Variants in FERMT1 observed in about 807,000 individuals in gnomAD.
FERMT1 encodes fermitin family homolog 1.
Under a neutral mutation model 85.3 loss-of-function variants are expected in FERMT1, and 60 were observed. The observed-to-expected ratio is 0.70, with a 90% CI of 0.57 to 0.87. The LOEUF (loss-of-function observed/expected upper bound fraction) is 0.87. FERMT1 is among the 40% of genes least tolerant of loss of function. FERMT1 has a pLI of 0.00. For missense variants in FERMT1, 701 were observed against 818.9 expected, an observed-to-expected ratio of 0.86 and a Z score of 1.76; for synonymous variants, 275 against 301.1, an observed-to-expected ratio of 0.91 and a Z score of 0.90.
At chr20:6,078,653 T>TG (rs33993648) in intron 14 of FERMT1, among the ~76,000 whole-genome samples, 6 of 100,328 alleles carry the variant, frequency 6.0e-5, no homozygotes, top group African/African-American at 1.7e-4. Context: ...TTTGTTTTTT[T>TG]TTTTTTTAAT....
At chr20:6,106,155 G>A (rs895444376) in intron 6 of FERMT1, among the ~76,000 whole-genome samples, 1 of 152,160 alleles carries the variant, frequency 6.6e-6, no homozygotes, top group Non-Finnish European at 1.5e-5. Context: ...AATTTCTCCT[G>A]GAGATTTTAT....
chr20:6,113,766 G>A (rs1983025450), intron 3 of FERMT1, among the ~76,000 whole-genome samples: 3 of 152,174 alleles, frequency 2.0e-5, no homozygotes, highest in Admixed American at 1.3e-4. Flanking sequence ...AGCTGCTGAA[G>A]TGTAACCTGA....
At chr20:6,105,782 A>C (rs1428545196) in intron 6 of FERMT1, among the ~76,000 whole-genome samples, 1 of 152,208 alleles carries the variant, frequency 6.6e-6, no homozygotes, top group Non-Finnish European at 1.5e-5. Flanking sequence ...CAATAAATAA[A>C]CACACAAACA....
In FERMT1 at chr20:6,104,454, A is replaced by T. The variant is rs773969894; in HGVS notation, c.849+3078T>A. Among the ~76,000 whole-genome samples, 1 of 152,176 alleles carries T rather than the reference A, an allele frequency of 6.6e-6. No homozygotes were observed. The highest frequency in any genetic ancestry group is 1.5e-5 in the Non-Finnish European group (1 of 68,034). ...CTCTATTTATGCAGCACAGAGTAGG[A>T]GTCTTAAACTTGATTTTATCTATAG... is the stretch of plus-strand genomic sequence containing the variant. On this transcript the variant is annotated intron_variant, in intron 6 of 14. Transcript: ENST00000217289. The surrounding 1 kb of genome is among the most constrained non-coding windows in gnomAD (Gnocchi z 4.2).
chr20:6,093,899 T>G (rs1982430893), intron 9 of FERMT1, among the ~76,000 whole-genome samples: 1 of 152,090 alleles, frequency 6.6e-6, no homozygotes, highest in South Asian at 2.1e-4. Flanking sequence ...GAGGTTGCAG[T>G]GAGCTGAGAT....
intron 6 of FERMT1, among the ~76,000 whole-genome samples, chr20:6,105,687 C>G (rs1982777519): frequency 6.6e-6 from 1 of 152,152 alleles, no homozygotes; most frequent in African/African-American, 2.4e-5. Context: ...TGTATTTTAT[C>G]TCATTAATTT....
intron 6 of FERMT1, among the ~76,000 whole-genome samples, chr20:6,105,946 A>G (rs1370837138): frequency 1.3e-5 from 2 of 152,174 alleles, no homozygotes; most frequent in Non-Finnish European, 2.9e-5. Flanking sequence ...ACAACAAGAT[A>G]GCTTAAATTA....
intron 9 of FERMT1, among the ~76,000 whole-genome samples, chr20:6,092,513 A>C (rs1235683645): frequency 5.9e-5 from 9 of 152,080 alleles, no homozygotes; most frequent in African/African-American, 2.2e-4. Context: ...ACTGCACTCC[A>C]TCTTGGGTGA....
chr20:6,088,871 G>A (rs1018545487), intron 10 of FERMT1, 94 bp downstream of exon 10: 20 of 1,264,138 alleles, frequency 1.6e-5, no homozygotes, highest in Non-Finnish European at 2.0e-5. Context: ...TGATCCGCCC[G>A]CCTCAGCCTC....
At chr20:6,089,593 CCATA>C (rs549153105) in intron 9 of FERMT1, among the ~76,000 whole-genome samples, 5 of 152,192 alleles carry the variant, frequency 3.3e-5, no homozygotes, top group Non-Finnish European at 7.3e-5. Context: ...CTTCAGGTTA[CCATA>C]CATACAAGTC....
At chr20:6,097,731 C>A (rs1982549137) in intron 6 of FERMT1, 100 bp from the exon 7 acceptor site, 1 of 815,274 alleles carries the variant, frequency 1.2e-6, no homozygotes, top group Admixed American at 1.8e-5. Context: ...TAATCAGATG[C>A]AGCAAACTTC....
chr20:6,075,295 C>G lies in FERMT1; in HGVS notation c.*1878G>C. 1 of 152,190 alleles carries G rather than the reference C, an allele frequency of 6.6e-6. No individual in the cohort carries two copies. The highest frequency in any genetic ancestry group is 1.9e-4 in the East Asian group (1 of 5,328). The allele number at this position is 152,190 out of a possible 1,614,324, so 9.4% of individuals were successfully genotyped here. A position where few individuals can be genotyped will look rare whatever the true frequency, so the allele number is the denominator to read the frequency against. ...ACAGGTAAAATCTGACATCGAGAAG[C>G]ATTATTTTAATGTAGGACCAGTTAT... On this transcript the variant is annotated 3_prime_UTR_variant, in exon 15 of 15. Transcript: ENST00000217289.
chr20:6,090,976 C>T (rs1289422245), intron 9 of FERMT1, among the ~76,000 whole-genome samples: 3 of 151,726 alleles, frequency 2.0e-5, no homozygotes, highest in Non-Finnish European at 2.9e-5. Context: ...CCAGTCTGGC[C>T]AACATGGTGA....
At chr20:6,109,584 G>T (rs1223307346) in intron 5 of FERMT1, among the ~76,000 whole-genome samples, 1 of 152,194 alleles carries the variant, frequency 6.6e-6, no homozygotes, top group Non-Finnish European at 1.5e-5. Flanking sequence ...GCTCAAGGAA[G>T]TTGCTCATTA....
Position 6,096,956 on chromosome 20 carries a change from C to T in FERMT1, c.1035G>A (p.Ala345=), listed in dbSNP as rs141793633. 38 of 1,613,740 alleles carry T rather than the reference C, an allele frequency of 2.4e-5. No individual in the cohort carries two copies. In the Admixed American group the frequency reaches 3.2e-4, roughly 13 times the overall value. The change falls in exon 8 of 15, where the codon GCG becomes GCA. Residue 345 remains alanine, a synonymous_variant. Coordinates refer to ENST00000217289, the MANE Select transcript of FERMT1 (RefSeq NM_017671.5). ...AGESEVDEIE[A]ALSNLEVTLE... Reference sequence around the variant, plus strand: ...GGGTTACTTCCAAATTAGAAAGCGCCGCTTCTATTTCATCAACCTCGGACT... The same window carrying T: ...GGGTTACTTCCAAATTAGAAAGCGCTGCTTCTATTTCATCAACCTCGGACT...
At chr20:6,083,546 T>C (rs1397785906) in intron 13 of FERMT1, among the ~76,000 whole-genome samples, 2 of 151,792 alleles carry the variant, frequency 1.3e-5, no homozygotes, top group Admixed American at 6.6e-5. Flanking sequence ...AAGAAAGTCG[T>C]AGCCAGGTGT....
intron 13 of FERMT1, among the ~76,000 whole-genome samples, chr20:6,080,816 C>T (rs1234959760): frequency 6.6e-6 from 1 of 152,126 alleles, no homozygotes; most frequent in Non-Finnish European, 1.5e-5. Context: ...GAACTTTGGA[C>T]ATGTAAAGAT....
intron 12 of FERMT1, among the ~76,000 whole-genome samples, 160 bp downstream of exon 12, chr20:6,084,906 T>G (rs1344330911): frequency 6.6e-6 from 1 of 152,196 alleles, no homozygotes; most frequent in Non-Finnish European, 1.5e-5. Flanking sequence ...TTGCCCAGGC[T>G]GGTCTTGAAC....
intron 4 of FERMT1, among the ~76,000 whole-genome samples, chr20:6,110,804 A>C (rs917999611): frequency 4.6e-5 from 7 of 152,188 alleles, no homozygotes; most frequent in Non-Finnish European, 1.0e-4. Context: ...AATAATATGG[A>C]TCATGATGGT....
Sources: gnomAD v4.1 joint callset for allele counts (sites outside exome capture counted in the v4.1 genomes callset) on GRCh38, gnomAD v4.1.1 for gene constraint, Gnocchi (gnomAD v3.1) non-coding constraint, MANE v1.5 for transcripts, NCBI Gene and HGNC (gene_info 2026-07-23, HGNC 2026-07-21) for gene names.